NOTCH2NLB: variants seen among roughly 807,000 people sequenced by gnomAD.
NOTCH2NLB encodes the protein notch homolog 2 N-terminal-like protein B.
A neutral mutation model predicts 14.8 loss-of-function variants in NOTCH2NLB; 1 was observed. The observed-to-expected ratio is 0.07, with a 90% confidence interval of 0.02 to 0.32. NOTCH2NLB has a LOEUF of 0.32. NOTCH2NLB is among the 10% of genes least tolerant of loss of function. The pLI, the probability that NOTCH2NLB is intolerant of heterozygous loss-of-function variation, is 1.00. For missense variants in NOTCH2NLB, 11 were observed against 155.0 expected (o/e 0.07, Z 4.93); for synonymous variants, 6 against 57.5 (o/e 0.10, Z 4.05).
intron 2 of NOTCH2NLB, among the ~76,000 whole-genome samples, chr1:148,627,679 T>C (rs1344686883): frequency 1.3e-5 from 2 of 151,948 alleles, no homozygotes; most frequent in South Asian, 4.2e-4. Flanking sequence ...TTTCATTGTC[T>C]CAACTTAAAT....
Position 148,637,844 on chromosome 1 carries a change from T to C in NOTCH2NLB, c.77+2172A>G, listed in dbSNP as rs1474601883. 3.6e-4 allele frequency among the ~76,000 whole-genome samples: 53 copies of C among 147,292 alleles called. 6 individuals carry two copies. Among genetic ancestry groups the C allele is most frequent in the African/African-American group, 1.3e-3 (50 of 39,020 alleles). On this transcript the variant is annotated intron_variant, in intron 2 of 4. Transcript: ENST00000593495. ...ACTTATGAGTGAGAACATGCCGTGT[T>C]TGGTTTTCTGTTCCTGTGTTAGTTT...
intron 3 of NOTCH2NLB, among the ~76,000 whole-genome samples, chr1:148,610,371 AAG>A (rs1491094241): frequency 0.017 from 1,644 of 98,356 alleles, 5 homozygotes; most frequent in Admixed American, 0.021. Flanking sequence ...GAAAGAAAGA[AAG>A]AGAAAGAAAG....
At chr1:148,670,535 A>C (rs1331465627) in intron 1 of NOTCH2NLB, among the ~76,000 whole-genome samples, 2 of 60,540 alleles carry the variant, frequency 3.3e-5, no homozygotes, top group South Asian at 6.1e-4. Context: ...AAACTAAAAA[A>C]AAAAATATAT....
At chr1:148,608,154 CG>C (rs1356828290) in intron 3 of NOTCH2NLB, among the ~76,000 whole-genome samples, 2 of 135,580 alleles carry the variant, frequency 1.5e-5, no homozygotes, top group Non-Finnish European at 3.0e-5. Context: ...TTTGGAAGGC[CG>C]AGGCAGGCAG....
At chr1:148,645,525 C>T (rs1314122578) in intron 1 of NOTCH2NLB, among the ~76,000 whole-genome samples, 110 of 146,994 alleles carry the variant, frequency 7.5e-4, no homozygotes, top group African/African-American at 2.7e-3. Context: ...CAGAGCTTAC[C>T]TTACGTGCCC....
chr1:148,626,270 C>T (rs1456629872), intron 2 of NOTCH2NLB, among the ~76,000 whole-genome samples: 2 of 108,050 alleles, frequency 1.9e-5, no homozygotes, highest in African/African-American at 7.8e-5. Context: ...CTACTTCTTG[C>T]CATTCCCACT....
rs1220981585 is a variant in NOTCH2NLB, at chr1:148,609,179, T to A, written c.338-1434A>T. ...GTTACATATGTATATATGTGCCATGTTGGTGTGCTGCACCCATTAACTCGT... is the reference window on the plus strand; with the variant it reads ...GTTACATATGTATATATGTGCCATGATGGTGTGCTGCACCCATTAACTCGT... On this transcript the variant is annotated intron_variant, in intron 3 of 4. Coordinates refer to ENST00000593495, the Ensembl canonical transcript of NOTCH2NLB. Among the ~76,000 whole-genome samples the A allele has an allele frequency of 2.2e-5, 3 of 135,478 alleles. 1 individual carries two copies. The highest frequency in any genetic ancestry group is 8.8e-5 in the African/African-American group (3 of 34,132). 88.9% of individuals were successfully genotyped at this position (135,478 alleles called of 152,430 possible).
intron 1 of NOTCH2NLB, among the ~76,000 whole-genome samples, chr1:148,661,496 C>A (rs1281525366): frequency 6.8e-6 from 1 of 147,948 alleles, no homozygotes; most frequent in Non-Finnish European, 1.5e-5. Flanking sequence ...TTAATTTCAA[C>A]CTGTCGTGAA....
intron 2 of NOTCH2NLB, among the ~76,000 whole-genome samples, chr1:148,637,301 G>A (rs1473245495): frequency 7.2e-6 from 1 of 138,628 alleles, no homozygotes; most frequent in African/African-American, 2.8e-5. Context: ...AACCTTGGTT[G>A]GAGAGTATGA....
At chr1:148,603,904 TA>T (rs1305050374), downstream of NOTCH2NLB, among the ~76,000 whole-genome samples, 1 of 112,316 alleles carries the variant, frequency 8.9e-6, no homozygotes, top group Non-Finnish European at 1.8e-5. Context: ...GAAAAAATTG[TA>T]AATTAACCAT....
chr1:148,645,949 A>T (rs1442309176), intron 1 of NOTCH2NLB, among the ~76,000 whole-genome samples: 2 of 150,024 alleles, frequency 1.3e-5, no homozygotes, highest in Non-Finnish European at 3.0e-5. Context: ...GGGTTTGAAT[A>T]CTAGCTCCAC....
intron 2 of NOTCH2NLB, among the ~76,000 whole-genome samples, chr1:148,637,912 G>T (rs1419311202): frequency 6.7e-6 from 1 of 148,360 alleles, no homozygotes; most frequent in African/African-American, 2.5e-5. Context: ...TCCCTGCAAA[G>T]GACATTAACT....
At chr1:148,605,477 C>T (rs1226898441), downstream of NOTCH2NLB, among the ~76,000 whole-genome samples, 10 of 143,680 alleles carry the variant, frequency 7.0e-5, 1 homozygote, top group South Asian at 8.8e-4. Context: ...AAGTGTCTTG[C>T]GTTAAACTAC....
At chr1:148,605,345 G>GT (rs1663478978), downstream of NOTCH2NLB, among the ~76,000 whole-genome samples, 1 of 142,092 alleles carries the variant, frequency 7.0e-6, no homozygotes, top group Non-Finnish European at 1.5e-5. Context: ...AAGCATGGAA[G>GT]TACCTGGCAC....
intron 1 of NOTCH2NLB, among the ~76,000 whole-genome samples, chr1:148,654,808 AAATT>A (rs1664519710): frequency 1.2e-5 from 1 of 86,686 alleles, no homozygotes; most frequent in Non-Finnish European, 2.5e-5. Context: ...CTCTATAAAT[AAATT>A]ATCAAAATTC....
chr1:148,670,540 ATAT>A (rs1185306511), intron 1 of NOTCH2NLB, among the ~76,000 whole-genome samples: 11 of 90,938 alleles, frequency 1.2e-4, no homozygotes, highest in Admixed American at 4.3e-4. Flanking sequence ...AAAAAAAAAA[ATAT>A]ATATATATAC....
intron 1 of NOTCH2NLB, among the ~76,000 whole-genome samples, chr1:148,670,547 TATATAC>T (rs1374268574): frequency 0.041 from 4,495 of 109,578 alleles, 91 homozygotes; most frequent in East Asian, 0.15. Context: ...AAAATATATA[TATATAC>T]ATATATATAT....
chr1:148,604,967 A>G (rs1167813248), downstream of NOTCH2NLB, among the ~76,000 whole-genome samples: 1 of 146,408 alleles, frequency 6.8e-6, no homozygotes, highest in Non-Finnish European at 1.5e-5. Flanking sequence ...ACACACACAC[A>G]CACACACACA....
chr1:148,631,122 A>G (rs1664095718), intron 2 of NOTCH2NLB, among the ~76,000 whole-genome samples: 1 of 139,318 alleles, frequency 7.2e-6, no homozygotes, highest in African/African-American at 3.0e-5. Flanking sequence ...CTGAATCTAT[A>G]CAGATTTAAT....
Sources: allele counts gnomAD v4.1 joint callset (sites outside exome capture counted in the v4.1 genomes callset), GRCh38; gene constraint gnomAD v4.1.1; transcripts MANE v1.5; gene names NCBI Gene and HGNC (gene_info 2026-07-23, HGNC 2026-07-21).